PCBP3: variants seen among roughly 807,000 people sequenced by gnomAD.
The protein encoded by PCBP3 is poly(rC) binding protein 3.
PCBP3 carries 25 observed loss-of-function variants against 52.7 expected under a neutral mutation model. That is an observed-to-expected ratio of 0.47 (90% CI 0.35 to 0.66). The LOEUF is 0.66. Ranked by LOEUF, PCBP3 falls within the 30% of genes least tolerant of loss-of-function variation. PCBP3 has a pLI of 0.01. For missense variants in PCBP3, 391 were observed against 490.3 expected, an observed-to-expected ratio of 0.80 and a Z score of 1.91; for synonymous variants, 162 against 183.0, an observed-to-expected ratio of 0.89 and a Z score of 0.93.
intron 2 of PCBP3, among the ~76,000 whole-genome samples, chr21:45,728,997 C>G (rs527975982): frequency 7.0e-4 from 107 of 152,048 alleles, no homozygotes; most frequent in Non-Finnish European, 1.4e-3. Flanking sequence ...CAACCAGTAC[C>G]CAGTTTCAAG....
At chr21:45,869,733 ACCCCAGGG>A (rs1237987664) in intron 5 of PCBP3, among the ~76,000 whole-genome samples, 3 of 151,926 alleles carry the variant, frequency 2.0e-5, no homozygotes, top group African/African-American at 4.8e-5. Flanking sequence ...GGGGAGTGTG[ACCCCAGGG>A]CCCCAGGGCC....
chr21:45,909,745 C>T (rs918537710), intron 10 of PCBP3, among the ~76,000 whole-genome samples: 7 of 147,836 alleles, frequency 4.7e-5, no homozygotes, highest in Admixed American at 6.7e-5. Flanking sequence ...CCTGGCCCAC[C>T]CACTGCCCAG....
At chr21:45,803,339 G>A (rs1011745414) in intron 4 of PCBP3, among the ~76,000 whole-genome samples, 2 of 152,212 alleles carry the variant, frequency 1.3e-5, no homozygotes, top group African/African-American at 4.8e-5. Context: ...GTCAATGACA[G>A]CAGCCATTTT....
chr21:45,938,077 G>A (rs899115582), intron 16 of PCBP3, among the ~76,000 whole-genome samples: 5 of 152,204 alleles, frequency 3.3e-5, no homozygotes, highest in African/African-American at 9.7e-5. Flanking sequence ...AGGGGGATGC[G>A]TGCCAGAGCA....
chr21:45,887,720 C>A (rs1023695745), intron 5 of PCBP3, among the ~76,000 whole-genome samples: 1 of 152,216 alleles, frequency 6.6e-6, no homozygotes, highest in Non-Finnish European at 1.5e-5. Flanking sequence ...TTTCTGCAAA[C>A]GTAATTTCTA....
chr21:45,876,982 G>T (rs970086253), intron 5 of PCBP3, among the ~76,000 whole-genome samples: 2 of 152,246 alleles, frequency 1.3e-5, no homozygotes, highest in Admixed American at 6.5e-5. Context: ...AGCTCAAGGC[G>T]CCTGCTGCCA....
intron 2 of PCBP3, among the ~76,000 whole-genome samples, chr21:45,711,320 T>C (rs2083821750): frequency 6.6e-6 from 1 of 152,238 alleles, no homozygotes; most frequent in African/African-American, 2.4e-5. Context: ...TGAGCTAACC[T>C]GTGTGTATAT....
chr21:45,668,232 T>C (rs2080935619), intron 1 of PCBP3, among the ~76,000 whole-genome samples: 1 of 152,182 alleles, frequency 6.6e-6, no homozygotes, highest in Admixed American at 6.5e-5. Context: ...ATATACAGTT[T>C]TTAATACCCT....
At chr21:45,929,823 A>G (rs1246441225) in intron 13 of PCBP3, 94 bp from the exon 14 acceptor site, 1 of 901,396 alleles carries the variant, frequency 1.1e-6, no homozygotes, top group African/African-American at 1.6e-5. Flanking sequence ...CTTTCTATCT[A>G]TCTGTGCAAA....
chr21:45,897,941 C>A (rs1221413842), intron 6 of PCBP3, among the ~76,000 whole-genome samples: 1 of 152,228 alleles, frequency 6.6e-6, no homozygotes, highest in East Asian at 1.9e-4. Context: ...CTGCCAGTAT[C>A]TGTGCGTGGC....
At chr21:45,784,669 G>A (rs1045832256) in intron 4 of PCBP3, among the ~76,000 whole-genome samples, 3 of 152,250 alleles carry the variant, frequency 2.0e-5, no homozygotes, top group African/African-American at 7.2e-5. Flanking sequence ...CGCTGTGTTG[G>A]CCAGGCTGGT....
chr21:45,929,658 C>A (rs2075919635), intron 13 of PCBP3, among the ~76,000 whole-genome samples: 1 of 152,224 alleles, frequency 6.6e-6, no homozygotes, highest in South Asian at 2.1e-4. Context: ...CCGGTCTAGG[C>A]TGGAGCTGCC....
chr21:45,818,148 G>A lies in PCBP3; in HGVS notation c.-125-31813G>A, dbSNP rs767030748. Among the ~76,000 whole-genome samples, 9 of 151,982 alleles carry A rather than the reference G, an allele frequency of 5.9e-5. No individual in the cohort carries two copies. In the East Asian group the frequency reaches 7.7e-4, roughly 13 times the overall value. On this transcript the variant is annotated intron_variant, in intron 4 of 17. Coordinates refer to ENST00000681687, the MANE Select transcript of PCBP3 (RefSeq NM_001384156.1). ...CACCATTCTCCTGCCTCAGCCTCCC[G>A]AGTAGCTGGGACTACAGGTGCGTGC... is the stretch of plus-strand genomic sequence containing the variant.
intron 4 of PCBP3, among the ~76,000 whole-genome samples, chr21:45,846,365 A>G (rs1364044840): frequency 6.6e-6 from 1 of 150,836 alleles, no homozygotes; most frequent in Admixed American, 6.6e-5. Flanking sequence ...TGTCTGTGCC[A>G]TTTCTATTTC....
At chr21:45,764,966 C>T (rs1269673474) in intron 4 of PCBP3, among the ~76,000 whole-genome samples, 5 of 152,264 alleles carry the variant, frequency 3.3e-5, no homozygotes, top group South Asian at 2.1e-4. Context: ...GATCAGTGGT[C>T]GAGGCCCCGG....
chr21:45,787,453 G>C (rs1328949503), intron 4 of PCBP3, among the ~76,000 whole-genome samples: 2 of 150,934 alleles, frequency 1.3e-5, no homozygotes. Context: ...TCCCTGTGTT[G>C]CCCATGCTGG....
intron 10 of PCBP3, among the ~76,000 whole-genome samples, chr21:45,909,911 A>C (rs1603486601): frequency 3.0e-5 from 2 of 67,238 alleles, no homozygotes; most frequent in Non-Finnish European, 5.6e-5. Flanking sequence ...GACCCGGCCC[A>C]CCCACTGCCC....
At chr21:45,688,536 A>G (rs2082284400) in intron 2 of PCBP3, among the ~76,000 whole-genome samples, 1 of 152,146 alleles carries the variant, frequency 6.6e-6, no homozygotes, top group Non-Finnish European at 1.5e-5. Context: ...AAGATCCCAA[A>G]TCAATTACTT....
At chr21:45,843,236 A>G (rs1207838731) in intron 4 of PCBP3, among the ~76,000 whole-genome samples, 1 of 145,906 alleles carries the variant, frequency 6.9e-6, no homozygotes. Context: ...AGAGGTGTCT[A>G]TTCCATCCTG....
Sources: gnomAD v4.1 joint callset for allele counts (sites outside exome capture counted in the v4.1 genomes callset) on GRCh38, gnomAD v4.1.1 for gene constraint, MANE v1.5 for transcripts, NCBI Gene and HGNC (gene_info 2026-07-23, HGNC 2026-07-21) for gene names.